The following SESN1 variants were observed in gnomAD, a reference collection of about 807,000 sequenced individuals.
The protein encoded by SESN1 is sestrin-1.
A neutral mutation model predicts 59.3 loss-of-function variants in SESN1; 30 were observed. The observed-to-expected ratio is 0.51, with a 90% CI of 0.38 to 0.69. The LOEUF (loss-of-function observed/expected upper bound fraction) is 0.69, where lower values mean the gene tolerates loss of function less well. Ranked by LOEUF, SESN1 falls within the 30% of genes least tolerant of loss-of-function variation. The pLI is 0.00. For missense variants in SESN1, 566 were observed against 673.0 expected (o/e 0.84, Z 1.76); for synonymous variants, 197 against 219.9 (o/e 0.90, Z 0.92).
chr6:109,029,628 G>C (rs1385400757), intron 1 of SESN1, among the ~76,000 whole-genome samples: 1 of 152,066 alleles, frequency 6.6e-6, no homozygotes, highest in Non-Finnish European at 1.5e-5. Flanking sequence ...TCTTGAGCTT[G>C]GGGCTCAAGC....
intron 1 of SESN1, among the ~76,000 whole-genome samples, chr6:109,047,357 C>T: frequency 7.3e-6 from 1 of 136,254 alleles, no homozygotes; most frequent in East Asian, 2.3e-4. Flanking sequence ...GGGGTCAGCC[C>T]CCTGCCCGGC....
intron 1 of SESN1, among the ~76,000 whole-genome samples, chr6:109,060,122 T>TACACACACACACAC (rs139094576): frequency 6.7e-6 from 1 of 149,814 alleles, no homozygotes; most frequent in African/African-American, 2.4e-5. Context: ...TACACACACG[T>TACACACACACACAC]ACACACACAC....
At chr6:109,036,164 G>A (rs1780244491) in intron 1 of SESN1, among the ~76,000 whole-genome samples, 2 of 151,974 alleles carry the variant, frequency 1.3e-5, no homozygotes, top group African/African-American at 4.8e-5. Flanking sequence ...GGGGAGGGAG[G>A]GAGTGTTGTT....
chr6:108,994,496 T>C lies in SESN1; in HGVS notation c.1086A>G (p.Ile362Met). The change falls in exon 6 of 10, where the codon ATA becomes ATG. Residue 362 changes from isoleucine to methionine, a missense_variant. Physicochemically the swap from Ile to Met is conservative, Grantham distance 10 (BLOSUM62 1). Transcript: ENST00000436639. ...AGACAAACATACTCTCTCTTTTTTC[T>C]ATTTCAAAACGTGAAGCCATCTCTT... ...SQEEMASRFE[I>M]EKRESMFVFS... 1.2e-6 allele frequency: 2 copies of C among 1,613,120 alleles called. No homozygotes were observed. Among genetic ancestry groups the C allele is most frequent in the East Asian group, 2.2e-5 (1 of 44,816 alleles).
intron 4 of SESN1, chr6:108,999,854 C>G (rs1339516426): frequency 1.3e-5 from 2 of 152,136 alleles, no homozygotes; most frequent in African/African-American, 4.8e-5. Flanking sequence ...GCAGCTTTAT[C>G]CGTAATTGCC....
chr6:109,071,518 G>C (rs188587120), intron 1 of SESN1, among the ~76,000 whole-genome samples: 13 of 152,080 alleles, frequency 8.5e-5, no homozygotes, highest in Non-Finnish European at 1.8e-4. Flanking sequence ...TATGGACCCC[G>C]GCAGTCTAGG....
At chr6:109,041,596 A>T (rs1302205834) in intron 1 of SESN1, among the ~76,000 whole-genome samples, 1 of 152,222 alleles carries the variant, frequency 6.6e-6, no homozygotes, top group Non-Finnish European at 1.5e-5. Context: ...AAATTACCAG[A>T]GACAAGGAGG....
At chr6:108,995,226 A>G (rs1373572825) in intron 5 of SESN1, among the ~76,000 whole-genome samples, 3 of 152,232 alleles carry the variant, frequency 2.0e-5, no homozygotes. Flanking sequence ...AATTTAAAGC[A>G]GAACTGCGTA....
At chr6:108,995,763 A>G (rs957647643) in intron 5 of SESN1, among the ~76,000 whole-genome samples, 2 of 152,214 alleles carry the variant, frequency 1.3e-5, no homozygotes, top group African/African-American at 4.8e-5. Flanking sequence ...CAGCCTGGAC[A>G]ACAGAGAGAG....
chr6:109,020,631 C>T (rs7738483), intron 1 of SESN1, among the ~76,000 whole-genome samples: 29,664 of 152,036 alleles, frequency 0.2, 3,523 homozygotes, highest in African/African-American at 0.33. Flanking sequence ...ATATCCTTCT[C>T]CTTGGAGAGA....
intron 1 of SESN1, among the ~76,000 whole-genome samples, chr6:109,016,156 G>A (rs762000478): frequency 6.6e-6 from 1 of 152,150 alleles, no homozygotes; most frequent in Non-Finnish European, 1.5e-5. Context: ...TGAGTCATTA[G>A]CTTAATCATG....
chr6:109,024,661 C>G (rs1299362230), intron 1 of SESN1, among the ~76,000 whole-genome samples: 2 of 152,180 alleles, frequency 1.3e-5, no homozygotes, highest in South Asian at 2.1e-4. Flanking sequence ...CTAGCCTAGA[C>G]TACCATAAAT....
chr6:109,067,444 T>C (rs1780852691), intron 1 of SESN1, among the ~76,000 whole-genome samples: 1 of 152,160 alleles, frequency 6.6e-6, no homozygotes, highest in Non-Finnish European at 1.5e-5. Flanking sequence ...TCCCTAAAAC[T>C]GAACGCTAAG....
rs534995962 is a variant in SESN1, at chr6:108,984,505, A to C, written c.*3039T>G. 3.0e-4 allele frequency among the ~76,000 whole-genome samples: 46 copies of C among 152,150 alleles called. No homozygotes were observed. Among genetic ancestry groups the C allele is most frequent in the African/African-American group, 8.7e-4 (36 of 41,516 alleles). On this transcript the variant is annotated 3_prime_UTR_variant, in exon 10 of 10. Transcript: ENST00000436639. ...CATTCATGAGAGCAGAGCCCTCTTG[A>C]TCTTATCACCTCCCAAAGGCCTACT...
intron 1 of SESN1, among the ~76,000 whole-genome samples, chr6:109,083,930 G>C (rs1319161634): frequency 1.3e-5 from 2 of 152,128 alleles, no homozygotes; most frequent in South Asian, 2.1e-4. Flanking sequence ...ATGAAATCAT[G>C]TAAAATTTAA....
rs546507729 is a variant in SESN1 at position 108,985,064 on chromosome 6, T to C, written c.*2480A>G. 3.3e-5 allele frequency among the ~76,000 whole-genome samples: 5 copies of C among 152,334 alleles called. No homozygotes were observed. In the South Asian group the frequency reaches 1.0e-3, roughly 32 times the overall value. On this transcript the variant is annotated 3_prime_UTR_variant, in exon 10 of 10. Coordinates refer to ENST00000436639, the MANE Select transcript of SESN1 (RefSeq NM_014454.3). ...AAAAACTAGTATGATGATTCATATA[T>C]GATATTCACATATACAAATATGCTA...
chr6:109,091,160 T>A (rs1439143098), intron 1 of SESN1, among the ~76,000 whole-genome samples: 2 of 152,176 alleles, frequency 1.3e-5, no homozygotes, highest in Admixed American at 1.3e-4. Context: ...CAATTGTAAT[T>A]CTATATTATT....
chr6:108,994,163 A>AAAG (rs1554262755), intron 6 of SESN1, among the ~76,000 whole-genome samples: 6 of 147,074 alleles, frequency 4.1e-5, no homozygotes, highest in South Asian at 2.2e-4. Context: ...AAAAAAAAAA[A>AAAG]GAGAAAAAAG....
At chr6:109,062,222 A>G (rs544940248) in intron 1 of SESN1, among the ~76,000 whole-genome samples, 18 of 152,354 alleles carry the variant, frequency 1.2e-4, no homozygotes, top group South Asian at 2.1e-4. Context: ...CAGAATTGAG[A>G]GAAATCCGAA....
Sources: gnomAD v4.1 joint callset for allele counts (sites outside exome capture counted in the v4.1 genomes callset) on GRCh38, gnomAD v4.1.1 for gene constraint, MANE v1.5 for transcripts, NCBI Gene and HGNC (gene_info 2026-07-23, HGNC 2026-07-21) for gene names.